The following CUTA variants were observed in gnomAD, a reference collection of about 807,000 sequenced individuals.
CUTA encodes the protein cutA divalent cation tolerance homolog.
A neutral mutation model predicts 20.7 loss-of-function variants in CUTA; 21 were observed. That is an observed-to-expected ratio of 1.01 (90% CI 0.72 to 1.46). CUTA has a LOEUF of 1.46. Ranked by LOEUF, CUTA falls within the 40% of genes most tolerant of loss-of-function variation. The pLI, the probability that CUTA is intolerant of heterozygous loss-of-function variation, is 0.00. For synonymous variants in CUTA, 99 were observed against 97.9 expected (o/e 1.01, Z -0.07); for missense variants, 231 against 226.8 (o/e 1.02, Z -0.12).
rs1776503517 is a variant in CUTA, at chr6:33,416,658, G to A, written c.532C>T (p.Leu178=). 4 of 1,561,522 alleles carry A rather than the reference G, an allele frequency of 2.6e-6. No individual in the cohort carries two copies. The East Asian group carries it at 6.7e-5, about 26-fold the overall frequency. Residue 178 remains leucine (L), a synonymous_variant, in exon 6 of 6, where the codon CTG becomes TTG. Transcript: ENST00000488034. ...TESVSDSITV[L]P is the part of the protein sequence containing the mutation. Reference sequence around the variant, plus strand: ...AGCAGGAACAGGGCTCATCATGGCAGGACTGTGATAGAGTCAGAAACTGAC... The same window carrying A: ...AGCAGGAACAGGGCTCATCATGGCAAGACTGTGATAGAGTCAGAAACTGAC...
intron 5 of CUTA, 44 bp from the exon 6 acceptor site, chr6:33,416,820 A>T (rs1270427020): frequency 2.5e-6 from 4 of 1,606,470 alleles, no homozygotes; most frequent in Non-Finnish European, 3.4e-6. Context: ...TCAAAGATTT[A>T]CCCAAAAGAA....
Position 33,416,749 on chromosome 6 carries a change from C to T in CUTA, c.441G>A (p.Glu147=). 1 of 1,614,146 alleles carries T rather than the reference C, an allele frequency of 6.2e-7. No individual in the cohort carries two copies. Among genetic ancestry groups the T allele is most frequent in the Non-Finnish European group, 8.5e-7 (1 of 1,180,022 alleles). Residue 147 remains glutamate (E), a synonymous_variant, in exon 6 of 6, where the codon GAG becomes GAA. Coordinates refer to ENST00000488034, the MANE Select transcript of CUTA (RefSeq NM_001014840.2). Reference sequence around the variant, plus strand: ...CCTGTTCCACAGGCAATGCAATTACCTCGGCCACTTCGTAAGGGTGCACAG... The same window carrying T: ...CCTGTTCCACAGGCAATGCAATTACTTCGGCCACTTCGTAAGGGTGCACAG... The part of the protein sequence containing the change: ...VRSVHPYEVA[E]VIALPVEQGN...
rs750935171 is a variant in CUTA, at chr6:33,416,970, C to G, written c.364-1G>C. 6.2e-7 allele frequency: 1 copy of G among 1,614,004 alleles called. No individual in the cohort carries two copies. Among genetic ancestry groups the G allele is most frequent in the South Asian group, 1.1e-5 (1 of 91,078 alleles). On this transcript the variant is annotated splice_acceptor_variant, in intron 4 of 5. Transcript: ENST00000488034. LOFTEE classifies it high-confidence loss of function. ...CCAAGGAACTTTGGGTTTTAATCAT[C>G]TAAGGGACAAAGATAAACATGGTTG...
chr6:33,416,999 C>G (rs1562861937), intron 4 of CUTA, 30 bp from the exon 5 acceptor site: 1 of 1,613,618 alleles, frequency 6.2e-7, no homozygotes, highest in Admixed American at 1.7e-5. Flanking sequence ...ATGGTTGAAT[C>G]AAGGAGTGGG....
intron 1 of CUTA, 78 bp from the exon 2 acceptor site, chr6:33,417,773 C>T (rs1192880274): frequency 7.7e-6 from 12 of 1,549,122 alleles, no homozygotes; most frequent in Non-Finnish European, 9.5e-6. Context: ...TCGCTTAGAT[C>T]CTCAGGCTCT....
Position 33,417,152 on chromosome 6 carries a change from CAG to C in CUTA, c.318-12_318-11del, listed in dbSNP as rs750106394. On this transcript the variant is annotated splice_polypyrimidine_tract_variant and intron_variant, in intron 3 of 5. Transcript: ENST00000488034. ...CCCTTTCCACTCATAGCTGAAAGGT[CAG>C]AGGGGGAGAGTTGTGGGGAGCAAAG... The C allele has an allele frequency of 4.3e-6, 7 of 1,611,858 alleles. No homozygotes were observed. The highest frequency in any genetic ancestry group is 2.2e-5 in the East Asian group (1 of 44,826).
At position 33,418,084 on chromosome 6, in the gene CUTA, T is replaced by A. The variant is rs746576083; in HGVS notation, c.-84A>T. ...AACCCCAGGAAGAGCGGCCTCTTCT[T>A]ACCTGGGTGGCAGCCACGTGATTAG... is the stretch of plus-strand genomic sequence containing the variant. On this transcript the variant is annotated 5_prime_UTR_variant, in exon 1 of 6. Coordinates refer to ENST00000488034, the MANE Select transcript of CUTA (RefSeq NM_001014840.2). The surrounding 1 kb of genome is among the most constrained non-coding windows in gnomAD (Gnocchi z 5.7). The A allele has an allele frequency of 2.5e-6, 4 of 1,613,992 alleles. No homozygotes were observed. Among genetic ancestry groups the A allele is most frequent in the Non-Finnish European group, 3.4e-6 (4 of 1,179,992 alleles).
rs1776594243 is a variant in CUTA at position 33,417,622 on chromosome 6, C to T, written c.116G>A (p.Arg39Gln). 6.2e-7 allele frequency: 1 copy of T among 1,613,866 alleles called. No individual in the cohort carries two copies. The highest frequency in any genetic ancestry group is 1.1e-5 in the South Asian group (1 of 91,074). The change falls in exon 2 of 6, where the codon CGA becomes CAA. Residue 39 changes from arginine (R) to glutamine (Q), a missense_variant. Arg to Gln is a conservative substitution (Grantham distance 43). Coordinates refer to ENST00000488034, the MANE Select transcript of CUTA (RefSeq NM_001014840.2). Reference sequence around the variant, plus strand: ...TCCAGAGGCCATGGTCAGCAAGACTCGGGGTAGCAACAAAAGGCGGGAGGC... The same window carrying T: ...TCCAGAGGCCATGGTCAGCAAGACTTGGGGTAGCAACAAAAGGCGGGAGGC... ...PVASRLLLLPRVLLTMASGSP... is the reference protein window; with the variant it reads ...PVASRLLLLPQVLLTMASGSP...
intron 1 of CUTA, 89 bp from the exon 2 acceptor site, chr6:33,417,784 G>A: frequency 1.3e-6 from 2 of 1,546,004 alleles, no homozygotes; most frequent in Middle Eastern, 1.9e-4. Context: ...CTCAGGCTCT[G>A]CCCTCCCTCT....
chr6:33,416,536 G>C lies in CUTA; in HGVS notation c.*114C>G. 1 of 729,874 alleles carries C rather than the reference G, an allele frequency of 1.4e-6. No homozygotes were observed. The highest frequency in any genetic ancestry group is 2.5e-6 in the Non-Finnish European group (1 of 403,390). The allele number at this position is 729,874 out of a possible 1,614,324, so 45.2% of individuals were successfully genotyped here. ...AATTTGCATACATGACAAAAAACAG[G>C]CAAAAGGCAGAGAGACCCAAAGACG... On this transcript the variant is annotated 3_prime_UTR_variant, in exon 6 of 6. Transcript: ENST00000488034.
chr6:33,416,635 CAGGAA>C lies in CUTA; in HGVS notation c.*10_*14del. ...GTATCGCGGGGATCTTCATGATGAG[CAGGAA>C]CAGGGCTCATCATGGCAGGACTGTG... is the stretch of plus-strand genomic sequence containing the variant. On this transcript the variant is annotated 3_prime_UTR_variant, in exon 6 of 6. Coordinates refer to ENST00000488034, the MANE Select transcript of CUTA (RefSeq NM_001014840.2). The C allele has an allele frequency of 1.4e-6, 2 of 1,427,244 alleles. No individual in the cohort carries two copies. Among genetic ancestry groups the C allele is most frequent in the Non-Finnish European group, 2.0e-6 (2 of 1,009,956 alleles). 88.4% of individuals were successfully genotyped at this position (1,427,244 alleles called of 1,614,324 possible).
At chr6:33,417,001 A>C in intron 4 of CUTA, 32 bp from the exon 5 acceptor site, 1 of 1,613,762 alleles carries the variant, frequency 6.2e-7, no homozygotes. Flanking sequence ...GGTTGAATCA[A>C]GGAGTGGGAT....
intron 3 of CUTA, 39 bp downstream of exon 3, chr6:33,417,212 T>C (rs1277822277): frequency 6.2e-7 from 1 of 1,614,064 alleles, no homozygotes; most frequent in South Asian, 1.1e-5. Context: ...CCCAGTCAGC[T>C]CCTACAGTTA....
rs1190369506 is a variant in CUTA, at chr6:33,417,434, C to G, written c.257+47G>C. 2 of 1,612,486 alleles carry G rather than the reference C, an allele frequency of 1.2e-6. 1 individual carries two copies. The highest frequency in any genetic ancestry group is 1.7e-6 in the Non-Finnish European group (2 of 1,178,742). ...CAGCACTCTTCTGCCCCACCCCCAA[C>G]TGTCCCTTCATGATCATCCTTTCTC... On this transcript the variant is annotated intron_variant, in intron 2 of 5. Transcript: ENST00000488034.
rs1177265474 is a variant in CUTA, at chr6:33,416,962, T to C, written c.371A>G (p.Lys124Arg). The C allele has an allele frequency of 6.2e-7, 1 of 1,614,154 alleles. No individual in the cohort carries two copies. Among genetic ancestry groups the C allele is most frequent in the South Asian group, 1.1e-5 (1 of 91,086 alleles). The change falls in exon 5 of 6, where the codon AAA becomes AGA. Residue 124 changes from lysine (K) to arginine (R), a missense_variant. By Grantham distance (26) the Lys-to-Arg change is conservative. Transcript: ENST00000488034. ...EEDSEVLMMI[K>R]TQSSLVPALT... ...AGCTGGGACCAAGGAACTTTGGGTT[T>C]TAATCATCTAAGGGACAAAGATAAA...
Position 33,416,723 on chromosome 6 carries a change from C to T in CUTA, c.467G>A (p.Gly156Glu). 3.7e-6 allele frequency: 6 copies of T among 1,614,112 alleles called. No individual in the cohort carries two copies. The highest frequency in any genetic ancestry group is 5.1e-6 in the Non-Finnish European group (6 of 1,180,014). The change falls in exon 6 of 6, where the codon GGG (glycine) becomes GAG (glutamate). Residue 156 changes from glycine (G) to glutamate (E), a missense_variant. Coordinates refer to ENST00000488034, the MANE Select transcript of CUTA (RefSeq NM_001014840.2). ...AEVIALPVEQ[G>E]NFPYLQWVRQ... ...CACCCACTGCAGGTACGGAAAGTTC[C>T]CCTGTTCCACAGGCAATGCAATTAC...
rs766106995 is a variant in CUTA at position 33,416,632 on chromosome 6, G to A, written c.*18C>T. ...GAAGTATCGCGGGGATCTTCATGAT[G>A]AGCAGGAACAGGGCTCATCATGGCA... On this transcript the variant is annotated 3_prime_UTR_variant, in exon 6 of 6. Transcript: ENST00000488034. 3 of 1,402,174 alleles carry A rather than the reference G, an allele frequency of 2.1e-6. No homozygotes were observed. Among genetic ancestry groups the A allele is most frequent in the South Asian group, 1.1e-5 (1 of 87,016 alleles). 86.9% of individuals were successfully genotyped at this position (1,402,174 alleles called of 1,614,324 possible).
chr6:33,418,028 A>C lies in CUTA; in HGVS notation c.-28T>G, dbSNP rs143656693. On this transcript the variant is annotated 5_prime_UTR_variant, in exon 1 of 6. Transcript: ENST00000488034. This position sits in a 1 kb window ranked among gnomAD's most constrained non-coding sequence, Gnocchi z 5.7. ...GGCCTACGCTGGTACAGGAGAGTTG[A>C]TCTCAAAGGCCACACGTCACACGGA... The C allele has an allele frequency of 5.0e-5, 80 of 1,614,040 alleles. No individual in the cohort carries two copies. The African/African-American group carries it at 6.4e-4, about 13-fold the overall frequency.
chr6:33,416,812 A>G (rs1337937107), intron 5 of CUTA, 36 bp from the exon 6 acceptor site: 1 of 1,610,548 alleles, frequency 6.2e-7, no homozygotes, highest in East Asian at 2.2e-5. Flanking sequence ...GGGATCACTC[A>G]AAGATTTACC....
Sources: gnomAD v4.1 joint callset for allele counts on GRCh38, gnomAD v4.1.1 for gene constraint, Gnocchi (gnomAD v3.1) non-coding constraint, MANE v1.5 for transcripts, NCBI Gene and HGNC (gene_info 2026-07-23, HGNC 2026-07-21) for gene names.